Variants in SYN2 observed in about 807,000 individuals in gnomAD.
The protein encoded by SYN2 is synapsin II.
In SYN2, 19 loss-of-function variants were observed where a neutral mutation model predicts 50.9. The ratio of observed to expected loss-of-function variants is 0.37; its 90% confidence interval spans 0.26 to 0.55. The LOEUF (loss-of-function observed/expected upper bound fraction) is 0.55, where lower values mean the gene tolerates loss of function less well. Ranked by LOEUF, SYN2 falls within the 20% of genes least tolerant of loss-of-function variation. The pLI is 0.81. For missense variants in SYN2, 587 were observed against 576.4 expected (o/e 1.02, Z -0.19); for synonymous variants, 255 against 224.9 (o/e 1.13, Z -1.20).
chr3:12,158,198 C>G (rs1241146225), intron 5 of SYN2, among the ~76,000 whole-genome samples: 1 of 152,152 alleles, frequency 6.6e-6, no homozygotes, highest in Non-Finnish European at 1.5e-5. Context: ...TAAGTTAGCC[C>G]TTGAAGGATG....
chr3:12,089,396 G>A (rs1695778302), intron 1 of SYN2, among the ~76,000 whole-genome samples: 1 of 152,212 alleles, frequency 6.6e-6, no homozygotes, highest in African/African-American at 2.4e-5. Flanking sequence ...TCATGATTCA[G>A]TTACTTCCCA....
At chr3:12,133,553 A>G (rs1042328823) in intron 1 of SYN2, among the ~76,000 whole-genome samples, 6 of 152,236 alleles carry the variant, frequency 3.9e-5, no homozygotes, top group African/African-American at 1.2e-4. Context: ...GACCTAATCA[A>G]TCAAGTGATT....
chr3:12,171,629 G>T (rs1242320647), intron 10 of SYN2, among the ~76,000 whole-genome samples: 1 of 152,210 alleles, frequency 6.6e-6, no homozygotes, highest in African/African-American at 2.4e-5. Context: ...CTGAACTAAA[G>T]TAAAGGCCGT....
intron 1 of SYN2, among the ~76,000 whole-genome samples, chr3:12,005,316 G>C (rs1370947531): frequency 1.3e-5 from 2 of 152,082 alleles, no homozygotes; most frequent in African/African-American, 4.8e-5. Context: ...GGAACATTTA[G>C]GGCCAGTAAA....
intron 7 of SYN2, among the ~76,000 whole-genome samples, chr3:12,166,690 ATGAG>A (rs1697806811): frequency 6.6e-6 from 1 of 152,334 alleles, no homozygotes; most frequent in East Asian, 1.9e-4. Context: ...TTAATAATGA[ATGAG>A]TGAGTGAGCC....
At position 12,104,849 on chromosome 3, in the gene SYN2, G is replaced by A. The variant is rs112667652; in HGVS notation, c.378-35802G>A. Among the ~76,000 whole-genome samples, 1,121 of 152,186 alleles carry A rather than the reference G, an allele frequency of 7.4e-3. 9 individuals carry two copies. Among genetic ancestry groups the A allele is most frequent in the African/African-American group, 0.025 (1,055 of 41,526 alleles). ...CTCCGAAAGTGCTGAGATTACAGGC[G>A]TGAGCCACCGCACCTGGCCCATGTG... On this transcript the variant is annotated intron_variant, in intron 1 of 12. Coordinates refer to ENST00000621198, the MANE Select transcript of SYN2 (RefSeq NM_133625.6).
intron 5 of SYN2, among the ~76,000 whole-genome samples, chr3:12,160,728 G>A (rs564100042): frequency 2.6e-5 from 4 of 152,338 alleles, no homozygotes; most frequent in African/African-American, 7.2e-5. Context: ...GGCAGAAGAG[G>A]ACTAGAGTAC....
intron 1 of SYN2, among the ~76,000 whole-genome samples, chr3:12,029,281 C>G (rs1392003554): frequency 3.1e-5 from 4 of 130,564 alleles, no homozygotes; most frequent in Non-Finnish European, 4.6e-5. Context: ...TTACTGTAGC[C>G]TTGTAGTATA....
At chr3:12,051,102 T>G (rs928779727) in intron 1 of SYN2, among the ~76,000 whole-genome samples, 5 of 152,182 alleles carry the variant, frequency 3.3e-5, no homozygotes, top group Non-Finnish European at 7.3e-5. Context: ...ATTAATGTCT[T>G]GTTGACAGAA....
chr3:12,179,400 A>G (rs1346409725), intron 10 of SYN2, among the ~76,000 whole-genome samples: 5 of 150,628 alleles, frequency 3.3e-5, no homozygotes, highest in South Asian at 2.1e-4. Context: ...AAAAAAAAGC[A>G]TAAACGAATT....
intron 1 of SYN2, among the ~76,000 whole-genome samples, chr3:12,079,463 T>G (rs995220383): frequency 9.9e-5 from 15 of 152,198 alleles, no homozygotes; most frequent in African/African-American, 3.6e-4. Context: ...CTTATTATTT[T>G]GAGATATGTT....
chr3:12,030,217 A>T (rs1316397624), intron 1 of SYN2, among the ~76,000 whole-genome samples: 1 of 120,320 alleles, frequency 8.3e-6, no homozygotes, highest in Non-Finnish European at 1.8e-5. Context: ...CTCGCATCCC[A>T]GGGATGAAGC....
rs145585738 is a variant in SYN2, at chr3:12,035,563, G to A, written c.377+30635G>A. On this transcript the variant is annotated intron_variant, in intron 1 of 12. Coordinates refer to ENST00000621198, the MANE Select transcript of SYN2 (RefSeq NM_133625.6). ...CATGTAAGGGTTTTTAAAGGTGGGAGGCAGAGGTTACAGGCAAAGCCATAC... is the reference window on the plus strand; with the variant it reads ...CATGTAAGGGTTTTTAAAGGTGGGAAGCAGAGGTTACAGGCAAAGCCATAC... Among the ~76,000 whole-genome samples the A allele has an allele frequency of 3.6e-3, 551 of 152,308 alleles. 2 individuals carry two copies. Among genetic ancestry groups the A allele is most frequent in the Non-Finnish European group, 5.8e-3 (394 of 68,030 alleles).
chr3:12,129,894 G>A (rs1457383746), intron 1 of SYN2, among the ~76,000 whole-genome samples: 1 of 152,026 alleles, frequency 6.6e-6, no homozygotes, highest in Non-Finnish European at 1.5e-5. Flanking sequence ...TTGAGATGAG[G>A]TCATGAGAGC....
intron 7 of SYN2, among the ~76,000 whole-genome samples, chr3:12,163,297 G>A (rs1697702233): frequency 1.4e-5 from 2 of 147,212 alleles, no homozygotes; most frequent in South Asian, 4.4e-4. Context: ...TACAAAGAAA[G>A]AACATTATTA....
At chr3:12,051,966 C>T (rs1694873641) in intron 1 of SYN2, among the ~76,000 whole-genome samples, 1 of 152,128 alleles carries the variant, frequency 6.6e-6, no homozygotes, top group Admixed American at 6.5e-5. Flanking sequence ...TTAGTTGGCT[C>T]CCTGCTGGTT....
chr3:12,141,295 G>A (rs779553957), intron 2 of SYN2, among the ~76,000 whole-genome samples: 1 of 151,814 alleles, frequency 6.6e-6, no homozygotes, highest in Non-Finnish European at 1.5e-5. Flanking sequence ...TTTCAACAAT[G>A]CATGTATTTC....
intron 1 of SYN2, among the ~76,000 whole-genome samples, chr3:12,052,374 T>A (rs1694884252): frequency 6.6e-6 from 1 of 152,146 alleles, no homozygotes; most frequent in African/African-American, 2.4e-5. Context: ...TGTTTGCTGT[T>A]CTCCAGAATT....
intron 1 of SYN2, among the ~76,000 whole-genome samples, chr3:12,076,026 G>A (rs1695460685): frequency 6.6e-6 from 1 of 152,090 alleles, no homozygotes; most frequent in Admixed American, 6.6e-5. Context: ...CCATTTTATA[G>A]ATGAGAATAT....
Sources: allele counts gnomAD v4.1 joint callset (sites outside exome capture counted in the v4.1 genomes callset), GRCh38; gene constraint gnomAD v4.1.1; transcripts MANE v1.5; gene names NCBI Gene and HGNC (gene_info 2026-07-23, HGNC 2026-07-21).